The following PYY variants were observed in gnomAD, a reference collection of about 807,000 sequenced individuals.
PYY encodes peptide tyrosine tyrosine.
A neutral mutation model predicts 10.3 loss-of-function variants in PYY; 12 were observed. That is an observed-to-expected ratio of 1.17 (90% CI 0.75 to 1.89). The LOEUF is 1.89. PYY is among the 40% of genes most tolerant of loss of function. The probability of loss-of-function intolerance (pLI) is 0.00; values close to 1 mark genes in which losing one functional copy is unlikely to be tolerated. For missense variants in PYY, 141 were observed against 134.0 expected (o/e 1.05, Z -0.26); for synonymous variants, 66 against 62.0 (o/e 1.06, Z -0.30).
At position 43,991,805 on chromosome 17, in the gene PYY, C is replaced by T. The variant is rs529360023; in HGVS notation, c.-463+12586G>A. On this transcript the variant is annotated intron_variant, in intron 1 of 6. Transcript: ENST00000360085. ...CTACTGCACTCTAGCCTGGGCAACA[C>T]AGTGAGGCCTTGTCTCAAAAGAAAA... Among the ~76,000 whole-genome samples, 6 of 146,012 alleles carry T rather than the reference C, an allele frequency of 4.1e-5. No individual in the cohort carries two copies. The East Asian group carries it at 1.0e-3, about 25-fold the overall frequency.
chr17:43,992,698 A>G (rs1235509049), intron 1 of PYY, among the ~76,000 whole-genome samples: 1 of 151,642 alleles, frequency 6.6e-6, no homozygotes, highest in Non-Finnish European at 1.5e-5. Flanking sequence ...CAAGAGCGAA[A>G]CTCCATCAAA....
intron 1 of PYY, among the ~76,000 whole-genome samples, chr17:43,999,195 G>A (rs1158077722): frequency 6.6e-6 from 1 of 152,050 alleles, no homozygotes; most frequent in African/African-American, 2.4e-5. Flanking sequence ...ATAGGCTTAG[G>A]GGGAGGAGGG....
intron 1 of PYY, among the ~76,000 whole-genome samples, chr17:43,968,540 G>A (rs572511675): frequency 2.6e-5 from 4 of 152,278 alleles, no homozygotes; most frequent in East Asian, 1.9e-4. Context: ...GGCCAGGCGC[G>A]GTGGCTCATG....
At chr17:43,999,276 G>C (rs1459275870) in intron 1 of PYY, among the ~76,000 whole-genome samples, 1 of 152,100 alleles carries the variant, frequency 6.6e-6, no homozygotes, top group African/African-American at 2.4e-5. Flanking sequence ...TGGTAGGGGT[G>C]GGGGAGATGG....
At chr17:43,989,926 A>G in intron 1 of PYY, among the ~76,000 whole-genome samples, 1 of 143,720 alleles carries the variant, frequency 7.0e-6, no homozygotes, top group African/African-American at 2.6e-5. Context: ...GTAAGACATT[A>G]GGCTCCCCCA....
chr17:43,978,021 G>C (rs2143933732), intron 1 of PYY, among the ~76,000 whole-genome samples: 1 of 151,786 alleles, frequency 6.6e-6, no homozygotes, highest in East Asian at 2.0e-4. Flanking sequence ...GCAACAGGGG[G>C]AGGCCCGTTT....
chr17:43,970,666 C>G (rs2048786400), intron 1 of PYY, among the ~76,000 whole-genome samples: 1 of 152,126 alleles, frequency 6.6e-6, no homozygotes, highest in Non-Finnish European at 1.5e-5. Flanking sequence ...CTCCTAGAAC[C>G]GCCAGCATAG....
intron 2 of PYY, among the ~76,000 whole-genome samples, chr17:43,961,518 G>GC (rs60333899): frequency 1 from 152,342 of 152,342 alleles, 76,171 homozygotes; most frequent in Non-Finnish European, 1. Context: ...AAGGCCCTTG[G>GC]CTCTGTTTTG....
In PYY at chr17:43,976,134, C is replaced by T. The variant is rs1397128908; in HGVS notation, c.-462-9602G>A. On this transcript the variant is annotated intron_variant, in intron 1 of 6. Coordinates refer to the PYY transcript ENST00000360085. ...ATACATGTATACGTATATATGTATA[C>T]ATATATGTATATATACATATGTATA... Among the ~76,000 whole-genome samples, 5 of 116,124 alleles carry T rather than the reference C, an allele frequency of 4.3e-5. 1 individual carries two copies. Among genetic ancestry groups the T allele is most frequent in the African/African-American group, 1.7e-4 (5 of 30,162 alleles). 76.2% of individuals were successfully genotyped at this position (116,124 alleles called of 152,430 possible).
At chr17:43,989,215 A>C (rs2048935833) in intron 1 of PYY, among the ~76,000 whole-genome samples, 1 of 152,162 alleles carries the variant, frequency 6.6e-6, no homozygotes, top group East Asian at 2.0e-4. Flanking sequence ...TCTGCTAAAA[A>C]TACAAAAAAT....
chr17:43,985,033 TTAAAATGTAATAGTTCTCTG>T (rs1486303286), intron 1 of PYY, among the ~76,000 whole-genome samples: 1 of 152,138 alleles, frequency 6.6e-6, no homozygotes, highest in African/African-American at 2.4e-5. Context: ...TTTGACGACA[TTAAAATGTAATAGTTCTCTG>T]TATAATAAAA....
intron 1 of PYY, among the ~76,000 whole-genome samples, chr17:43,967,721 G>A (rs1407952931): frequency 1.3e-5 from 2 of 152,158 alleles, no homozygotes; most frequent in African/African-American, 4.8e-5. Context: ...AGACACGCAC[G>A]GGGCAGCTCT....
At chr17:43,984,933 T>C (rs1034210576) in intron 1 of PYY, among the ~76,000 whole-genome samples, 5 of 150,794 alleles carry the variant, frequency 3.3e-5, no homozygotes, top group African/African-American at 1.2e-4. Flanking sequence ...TCTAAAGTTG[T>C]AGAAAAGTTG....
chr17:43,963,569 G>GAAAAGAAAGAAAGA (rs2048728039), intron 2 of PYY, among the ~76,000 whole-genome samples: 1 of 75,028 alleles, frequency 1.3e-5, no homozygotes, highest in East Asian at 4.5e-4. Flanking sequence ...AGGAAGGAAG[G>GAAAAGAAAGAAAGA]AAAAGAAAGA....
At chr17:43,984,162 G>T (rs998126017) in intron 1 of PYY, among the ~76,000 whole-genome samples, 18 of 152,224 alleles carry the variant, frequency 1.2e-4, no homozygotes, top group African/African-American at 4.3e-4. Flanking sequence ...TGTTAGGGGG[G>T]GCGCCAGCCC....
At chr17:43,998,547 G>A (rs1449293718) in intron 1 of PYY, among the ~76,000 whole-genome samples, 1 of 151,976 alleles carries the variant, frequency 6.6e-6, no homozygotes, top group African/African-American at 2.4e-5. Flanking sequence ...GACAGAGTGA[G>A]ACTCTGTCTC....
At chr17:43,983,401 G>GGA (rs1341373043) in intron 1 of PYY, among the ~76,000 whole-genome samples, 1 of 152,196 alleles carries the variant, frequency 6.6e-6, no homozygotes, top group Non-Finnish European at 1.5e-5. Flanking sequence ...CCTACCTGAT[G>GGA]GAGCCCCAGC....
intron 1 of PYY, among the ~76,000 whole-genome samples, chr17:43,999,902 G>A (rs1191246341): frequency 6.6e-6 from 1 of 152,198 alleles, no homozygotes; most frequent in African/African-American, 2.4e-5. Context: ...AAGGGATGGG[G>A]CCTGTGCACC....
rs1555617088 is a variant in PYY at position 43,963,590 on chromosome 17, G to GAAAGAAAGAA, written c.-218+2688_-218+2697dup. Among the ~76,000 whole-genome samples the GAAAGAAAGAA allele has an allele frequency of 4.4e-3, 288 of 64,752 alleles. 1 individual carries two copies. The highest frequency in any genetic ancestry group is 0.014 in the African/African-American group (279 of 19,934). 42.5% of individuals were successfully genotyped at this position (64,752 alleles called of 152,430 possible). On this transcript the variant is annotated intron_variant, in intron 2 of 6. Transcript: ENST00000360085. ...GAAGGAAAAGAAAGAAAGAAAGAAA[G>GAAAGAAAGAA]AAAGAAAGAAAGAAAGAAAGAAAGA...
Sources: allele counts gnomAD v4.1 joint callset (sites outside exome capture counted in the v4.1 genomes callset), GRCh38; gene constraint gnomAD v4.1.1; transcripts MANE v1.5; gene names NCBI Gene and HGNC (gene_info 2026-07-23, HGNC 2026-07-21).